The following ANKRD50 variants were observed in gnomAD, a reference collection of about 807,000 sequenced individuals.
ANKRD50 encodes ankyrin repeat domain-containing protein 50.
Under a neutral mutation model 112.0 loss-of-function variants are expected in ANKRD50, and 40 were observed. That is an observed-to-expected ratio of 0.36 (90% CI 0.28 to 0.46). The LOEUF is 0.46. Among genes scored for constraint, ANKRD50 ranks in the 20% least tolerant of loss-of-function variants. The pLI is 1.00. For missense variants in ANKRD50, 1,487 were observed against 1,701.7 expected (o/e 0.87, Z 2.22); for synonymous variants, 613 against 619.1 (o/e 0.99, Z 0.15).
rs1461877270 is a variant in ANKRD50, at chr4:124,665,877, A to T, written c.*1641T>A. 6.6e-6 allele frequency: 1 copy of T among 152,370 alleles called. No individual in the cohort carries two copies. Among genetic ancestry groups the T allele is most frequent in the African/African-American group, 2.4e-5 (1 of 41,450 alleles). The allele number at this position is 152,370 out of a possible 1,614,324, so 9.4% of individuals were successfully genotyped here. A position where few individuals can be genotyped will look rare whatever the true frequency, so the allele number is the denominator to read the frequency against. On this transcript the variant is annotated 3_prime_UTR_variant, in exon 5 of 5. Transcript: ENST00000504087. ...CCTTACAATAAGATTCAAGTGAAAC[A>T]TTTATCATAATTATACATTTCTATT...
At chr4:124,678,952 ATGT>A (rs1022409808) in intron 2 of ANKRD50, 47 bp from the exon 3 acceptor site, 1 of 1,345,632 alleles carries the variant, frequency 7.4e-7, no homozygotes, top group Non-Finnish European at 1.0e-6. Flanking sequence ...AGTGGCTATG[ATGT>A]TAAGATTTAT....
chr4:124,669,567 G>A lies in ANKRD50; in HGVS notation c.3710C>T (p.Ser1237Phe). 1 of 1,613,272 alleles carries A rather than the reference G, an allele frequency of 6.2e-7. No homozygotes were observed. The highest frequency in any genetic ancestry group is 8.5e-7 in the Non-Finnish European group (1 of 1,179,816). Residue 1237 changes from serine to phenylalanine, a missense_variant, in exon 4 of 5, where the codon TCC (serine) becomes TTC (phenylalanine). Around this residue, in one of 2 missense-constraint regions of ANKRD50, gnomAD observed 441 missense variants for 432.2 expected, o/e 1.02. Transcript: ENST00000504087. ...ACTCTGTCCTAAGGACTGTGTTGTG[G>A]AAGATGGGGAAACAATTGACTGTCG... ...RSRQSIVSPS[S>F]TTQSLGQSHN...
Position 124,670,830 on chromosome 4 carries a change from G to T in ANKRD50, c.2447C>A (p.Thr816Lys). 1 of 1,613,840 alleles carries T rather than the reference G, an allele frequency of 6.2e-7. No homozygotes were observed. Among genetic ancestry groups the T allele is most frequent in the Non-Finnish European group, 8.5e-7 (1 of 1,179,866 alleles). The change falls in exon 4 of 5, where the codon ACA becomes AAA. Residue 816 changes from threonine to lysine, a missense_variant. Thr to Lys is a moderately conservative substitution (Grantham distance 78). Coordinates refer to ENST00000504087, the MANE Select transcript of ANKRD50 (RefSeq NM_020337.3). ...TTGTGCTGAAGCTATACTGAGGACT[G>T]TCCTACCTTCACTATCAATACTATC... Reference protein sequence around the residue: ...AVDSIDSEGRTVLSIASAQGN... With the variant: ...AVDSIDSEGRKVLSIASAQGN...
chr4:124,678,898 G>A lies in ANKRD50; in HGVS notation c.520C>T (p.Leu174=), dbSNP rs533820109. 5 of 1,605,266 alleles carry A rather than the reference G, an allele frequency of 3.1e-6. No homozygotes were observed. The East Asian group carries it at 1.1e-4, about 36-fold the overall frequency. Residue 174 remains leucine, a synonymous_variant, in exon 3 of 5, where the codon CTA becomes TTA. Transcript: ENST00000504087. ...GGCTTCATTCCCAGAAGAGGGAGTA[G>A]AACACACCTGTAAAACACATACACA... is the stretch of plus-strand genomic sequence containing the variant. ...NPAEAFKRCV[L]LPLLGMKPPQ...
chr4:124,693,698 T>C (rs1446629796), intron 2 of ANKRD50, among the ~76,000 whole-genome samples: 1 of 152,148 alleles, frequency 6.6e-6, no homozygotes, highest in African/African-American at 2.4e-5. Flanking sequence ...ATTTACGGGA[T>C]TTAAAAAATT....
intron 2 of ANKRD50, among the ~76,000 whole-genome samples, chr4:124,692,637 T>G (rs932842756): frequency 6.6e-6 from 1 of 152,058 alleles, no homozygotes; most frequent in Non-Finnish European, 1.5e-5. Flanking sequence ...GTATTAATGT[T>G]CTATAAGAGA....
Position 124,671,473 on chromosome 4 carries a change from C to T in ANKRD50, c.1804G>A (p.Ala602Thr), listed in dbSNP as rs141921816. Residue 602 changes from alanine to threonine, a missense_variant, in exon 4 of 5, where the codon GCA becomes ACA. Physicochemically the swap from Ala to Thr is moderately conservative, Grantham distance 58. This residue lies in a region of ANKRD50 where 1,046 missense variants were observed against 1,269.5 expected (regional missense o/e 0.82). Transcript: ENST00000504087. Reference sequence around the variant, plus strand: ...TCTTGATCAGTATGATTAATATTTGCTCCACACCCAATCAAACAATTAACC... The same window carrying T: ...TCTTGATCAGTATGATTAATATTTGTTCCACACCCAATCAAACAATTAACC... ...KVVNCLIGCG[A>T]NINHTDQDGW... 2 of 1,613,640 alleles carry T rather than the reference C, an allele frequency of 1.2e-6. No homozygotes were observed. The highest frequency in any genetic ancestry group is 1.3e-5 in the African/African-American group (1 of 74,868).
intron 2 of ANKRD50, among the ~76,000 whole-genome samples, chr4:124,680,031 C>T (rs182405592): frequency 2.4e-4 from 37 of 152,332 alleles, no homozygotes; most frequent in Non-Finnish European, 1.5e-5. Context: ...CATGCACTTC[C>T]CGTCTCTCTT....
intron 2 of ANKRD50, among the ~76,000 whole-genome samples, chr4:124,707,276 A>C (rs557079526): frequency 6.6e-6 from 1 of 152,152 alleles, no homozygotes; most frequent in East Asian, 1.9e-4. Context: ...CTGTTGAATT[A>C]TATCTATCCA....
At chr4:124,683,057 C>A (rs1413853042) in intron 2 of ANKRD50, among the ~76,000 whole-genome samples, 1 of 151,594 alleles carries the variant, frequency 6.6e-6, no homozygotes, top group African/African-American at 2.4e-5. Flanking sequence ...TATATATACA[C>A]ACACATACAT....
Position 124,670,394 on chromosome 4 carries a change from C to T in ANKRD50, c.2883G>A (p.Met961Ile). The T allele has an allele frequency of 1.2e-6, 2 of 1,613,802 alleles. No individual in the cohort carries two copies. The highest frequency in any genetic ancestry group is 1.7e-6 in the Non-Finnish European group (2 of 1,179,890). The stretch of plus-strand genomic sequence containing the variant: ...CACCATTTTCTAAAAAATATTCGGC[C>T]ATTGTAAGCTGATTTTCTAAGGCCA... ...YILALENQLT[M>I]AEYFLENGAN... Residue 961 changes from methionine (M) to isoleucine (I), a missense_variant, in exon 4 of 5, where the codon ATG (methionine) becomes ATA (isoleucine). Met to Ile is a conservative substitution (Grantham distance 10). Around this residue, in one of 2 missense-constraint regions of ANKRD50, gnomAD observed 1,046 missense variants for 1,269.5 expected, o/e 0.82. Coordinates refer to ENST00000504087, the MANE Select transcript of ANKRD50 (RefSeq NM_020337.3).
chr4:124,692,621 T>C (rs1472009802), intron 2 of ANKRD50, among the ~76,000 whole-genome samples: 1 of 152,108 alleles, frequency 6.6e-6, no homozygotes, highest in African/African-American at 2.4e-5. Flanking sequence ...AGAAACTTCA[T>C]GAATGGTATT....
At chr4:124,681,241 A>C (rs947375167) in intron 2 of ANKRD50, among the ~76,000 whole-genome samples, 8 of 152,198 alleles carry the variant, frequency 5.3e-5, no homozygotes, top group African/African-American at 1.9e-4. Context: ...TACTTCACAC[A>C]TCCATTAACT....
chr4:124,679,041 G>A (rs1461338454), intron 2 of ANKRD50, 136 bp from the exon 3 acceptor site: 2 of 666,708 alleles, frequency 3.0e-6, no homozygotes, highest in African/African-American at 1.8e-5. Context: ...TATTATACAA[G>A]TTTCAATTCC....
Position 124,671,364 on chromosome 4 carries a change from T to C in ANKRD50, c.1913A>G (p.Asp638Gly). The change falls in exon 4 of 5, where the codon GAT becomes GGT. Residue 638 changes from aspartate to glycine, a missense_variant. Around this residue, in one of 2 missense-constraint regions of ANKRD50, gnomAD observed 1,046 missense variants for 1,269.5 expected, o/e 0.82. Transcript: ENST00000504087. ...TGTTCGGCTATCAGCATCTGCACAA[T>C]CCACTTTTACGCCAGCATAAAGTAG... ...SALLYAGVKV[D>G]CADADSRTAL... 6.2e-7 allele frequency: 1 copy of C among 1,613,834 alleles called. No homozygotes were observed. The highest frequency in any genetic ancestry group is 8.5e-7 in the Non-Finnish European group (1 of 1,179,846).
rs376024849 is a variant in ANKRD50, at chr4:124,678,265, C to A, written c.742+411G>T. On this transcript the variant is annotated intron_variant, in intron 3 of 4. Coordinates refer to ENST00000504087, the MANE Select transcript of ANKRD50 (RefSeq NM_020337.3). ...AATAGGAGTAACCACAACTTTATTA[C>A]GGTAGTAAATAAAGAAAAGTAAAAA... is the stretch of plus-strand genomic sequence containing the variant. 3.0e-3 allele frequency among the ~76,000 whole-genome samples: 453 copies of A among 150,604 alleles called. 1 individual carries two copies. The highest frequency in any genetic ancestry group is 0.01 in the African/African-American group (422 of 40,988).
intron 2 of ANKRD50, among the ~76,000 whole-genome samples, chr4:124,685,476 TAAAATG>T (rs1724986143): frequency 6.6e-6 from 1 of 152,204 alleles, no homozygotes; most frequent in Admixed American, 6.5e-5. Context: ...TTATCATTTG[TAAAATG>T]AAAATCCCAC....
intron 2 of ANKRD50, among the ~76,000 whole-genome samples, chr4:124,688,131 CTG>C (rs1725047960): frequency 6.6e-6 from 1 of 152,150 alleles, no homozygotes; most frequent in African/African-American, 2.4e-5. Flanking sequence ...GATAAACTAA[CTG>C]TGGCATATCC....
Position 124,670,966 on chromosome 4 carries a change from C to G in ANKRD50, c.2311G>C (p.Gly771Arg), listed in dbSNP as rs139677250. Residue 771 changes from glycine to arginine, a missense_variant, in exon 4 of 5, where the codon GGA becomes CGA. Gly to Arg is a moderately radical substitution (Grantham distance 125, BLOSUM62 -2). Coordinates refer to ENST00000504087, the MANE Select transcript of ANKRD50 (RefSeq NM_020337.3). ...TTATCTGTGTGATCTACATCTGCTC[C>G]CCCTTCTAGAAGCAAGTCAACCACA... ...VDVVDLLLEGGADVDHTDNNG... is the reference protein window; with the variant it reads ...VDVVDLLLEGRADVDHTDNNG... 6.2e-7 allele frequency: 1 copy of G among 1,613,856 alleles called. No homozygotes were observed. The highest frequency in any genetic ancestry group is 1.7e-5 in the Admixed American group (1 of 59,962).
Sources: gnomAD v4.1 joint callset for allele counts (sites outside exome capture counted in the v4.1 genomes callset) on GRCh38, gnomAD v4.1.1 for gene constraint, gnomAD v4.1.1 regional missense constraint, MANE v1.5 for transcripts, NCBI Gene and HGNC (gene_info 2026-07-23, HGNC 2026-07-21) for gene names.